DCP1A: variants seen among roughly 807,000 people sequenced by gnomAD.
The protein encoded by DCP1A is decapping mRNA 1A, also known as mRNA-decapping enzyme 1A.
DCP1A carries 20 observed loss-of-function variants against 58.0 expected under a neutral mutation model. That is an observed-to-expected ratio of 0.34 (90% CI 0.24 to 0.50). The LOEUF is 0.50. DCP1A is among the 20% of genes least tolerant of loss of function. DCP1A has a pLI of 0.98. For synonymous variants in DCP1A, 285 were observed against 275.1 expected (o/e 1.04, Z -0.36); for missense variants, 613 against 712.2 (o/e 0.86, Z 1.59).
At chr3:53,325,198 C>G (rs1354779916) in intron 3 of DCP1A, among the ~76,000 whole-genome samples, 2 of 152,140 alleles carry the variant, frequency 1.3e-5, no homozygotes, top group Non-Finnish European at 2.9e-5. Context: ...AGGTACATGG[C>G]TCACACAAGA....
Position 53,284,526 on chromosome 3 carries a change from C to CTTTTTTTTT in DCP1A, c.*3045_*3053dup, listed in dbSNP as rs34308634. 2 of 59,854 alleles carry CTTTTTTTTT rather than the reference C, an allele frequency of 3.3e-5. No individual in the cohort carries two copies. The highest frequency in any genetic ancestry group is 1.3e-4 in the African/African-American group (2 of 15,474). The allele number at this position is 59,854 out of a possible 1,614,324, so 3.7% of individuals were successfully genotyped here. A position where few individuals can be genotyped will look rare whatever the true frequency, so the allele number is the denominator to read the frequency against. ...CCCTGTAGAGAGGGGCCCAGCGTGA[C>CTTTTTTTTT]TTTTTTTTTTTTTTTTTTTTTTTTT... On this transcript the variant is annotated 3_prime_UTR_variant, in exon 10 of 10. Transcript: ENST00000610213.
intron 4 of DCP1A, among the ~76,000 whole-genome samples, chr3:53,318,811 C>G (rs1371293309): frequency 6.6e-6 from 1 of 152,170 alleles, no homozygotes; most frequent in Non-Finnish European, 1.5e-5. Context: ...GTGTCAAAAA[C>G]AAGTTCACTT....
chr3:53,310,496 G>T (rs2106832305), intron 5 of DCP1A, among the ~76,000 whole-genome samples: 1 of 152,296 alleles, frequency 6.6e-6, no homozygotes, highest in South Asian at 2.1e-4. Flanking sequence ...TATTACTCAG[G>T]ATGAGTGACA....
intron 3 of DCP1A, among the ~76,000 whole-genome samples, chr3:53,320,445 A>G (rs1707930059): frequency 6.6e-6 from 1 of 152,202 alleles, no homozygotes; most frequent in Admixed American, 6.5e-5. Context: ...ACCCATTGCT[A>G]CCATGTGGGC....
At chr3:53,327,706 G>T (rs1708149553) in intron 3 of DCP1A, among the ~76,000 whole-genome samples, 2 of 151,562 alleles carry the variant, frequency 1.3e-5, no homozygotes, top group Non-Finnish European at 2.9e-5. Flanking sequence ...CAGAAGAATT[G>T]CTTGAGCCTG....
intron 6 of DCP1A, among the ~76,000 whole-genome samples, chr3:53,299,347 A>G (rs1458539368): frequency 1.3e-5 from 2 of 152,220 alleles, no homozygotes; most frequent in Admixed American, 1.3e-4. Flanking sequence ...ACATGCTTCA[A>G]GTTAGGATTC....
rs12491594 is a variant in DCP1A, at chr3:53,321,072, G to C, written c.305-1599C>G. 0.013 allele frequency among the ~76,000 whole-genome samples: 2,032 copies of C among 152,380 alleles called. 117 individuals carry two copies. The South Asian group carries it at 0.14, about 11-fold the overall frequency. ...AGGACTCTCATTCAGTCTAGGAGAG[G>C]AATGAGCCTACCCGGGCCACCTTCT... On this transcript the variant is annotated intron_variant, in intron 3 of 9. Coordinates refer to ENST00000610213, the MANE Select transcript of DCP1A (RefSeq NM_018403.7).
chr3:53,344,392 C>G (rs2089265463), intron 2 of DCP1A, among the ~76,000 whole-genome samples: 1 of 152,120 alleles, frequency 6.6e-6, no homozygotes, highest in Admixed American at 6.5e-5. Flanking sequence ...AAAAAATACG[C>G]CATCATGAAT....
At chr3:53,320,526 T>C (rs962720906) in intron 3 of DCP1A, among the ~76,000 whole-genome samples, 3 of 152,204 alleles carry the variant, frequency 2.0e-5, no homozygotes, top group African/African-American at 7.2e-5. Flanking sequence ...AGCACAGAAA[T>C]GGCAGGTATC....
At chr3:53,334,685 A>G (rs2089079107) in intron 3 of DCP1A, among the ~76,000 whole-genome samples, 1 of 152,124 alleles carries the variant, frequency 6.6e-6, no homozygotes, top group African/African-American at 2.4e-5. Context: ...GCATCTTAAT[A>G]TTTTCAATTA....
At chr3:53,307,818 C>T (rs1553688257) in intron 5 of DCP1A, among the ~76,000 whole-genome samples, 1 of 152,138 alleles carries the variant, frequency 6.6e-6, no homozygotes, top group Non-Finnish European at 1.5e-5. Flanking sequence ...GAGGATTTTA[C>T]AAGGATTTAG....
intron 5 of DCP1A, among the ~76,000 whole-genome samples, chr3:53,308,663 GGCT>G (rs1707548430): frequency 6.6e-6 from 1 of 152,058 alleles, no homozygotes; most frequent in Non-Finnish European, 1.5e-5. Flanking sequence ...GTTCAATCAT[GGCT>G]CACTGCAGCC....
rs570263825 is a variant in DCP1A at position 53,305,397 on chromosome 3, T to C, written c.511-1107A>G. Among the ~76,000 whole-genome samples, 3 of 152,090 alleles carry C rather than the reference T, an allele frequency of 2.0e-5. No individual in the cohort carries two copies. The South Asian group carries it at 6.2e-4, about 32-fold the overall frequency. On this transcript the variant is annotated intron_variant, in intron 5 of 9. Transcript: ENST00000610213. ...CGGAGTCTCACTCTGTTGCCCAGCCTGGATTTTAGTGGCTTGATCTCAGCT... is the reference window on the plus strand; with the variant it reads ...CGGAGTCTCACTCTGTTGCCCAGCCCGGATTTTAGTGGCTTGATCTCAGCT...
chr3:53,326,987 C>CT (rs1298080509), intron 3 of DCP1A, among the ~76,000 whole-genome samples: 1 of 150,858 alleles, frequency 6.6e-6, no homozygotes, highest in African/African-American at 2.4e-5. Context: ...CCCCCCCCCC[C>CT]CAACTGGTAT....
At chr3:53,290,412 G>T (rs529518766) in intron 8 of DCP1A, among the ~76,000 whole-genome samples, 1 of 149,450 alleles carries the variant, frequency 6.7e-6, no homozygotes, top group African/African-American at 2.5e-5. Flanking sequence ...AGGGCCCACC[G>T]TGCCCTCTAC....
chr3:53,319,497 G>A (rs782554624), intron 3 of DCP1A, 24 bp from the exon 4 acceptor site: 1 of 1,460,282 alleles, frequency 6.8e-7, no homozygotes. Flanking sequence ...GGGAAAAAAA[G>A]ATAAGAAGAA....
intron 4 of DCP1A, among the ~76,000 whole-genome samples, chr3:53,316,782 A>T (rs144478877): frequency 0.012 from 1,784 of 152,088 alleles, 19 homozygotes; most frequent in Non-Finnish European, 0.019. Context: ...TTCTAGTCAA[A>T]CAAGCTGAAA....
intron 4 of DCP1A, among the ~76,000 whole-genome samples, chr3:53,315,030 A>C (rs1553689076): frequency 5.9e-5 from 9 of 152,102 alleles, no homozygotes. Flanking sequence ...CGGGGGTGGT[A>C]ATGGAAGGGA....
chr3:53,311,360 A>G (rs1553688617), intron 5 of DCP1A, among the ~76,000 whole-genome samples: 1 of 152,244 alleles, frequency 6.6e-6, no homozygotes, highest in Non-Finnish European at 1.5e-5. Context: ...GTCTCACTCC[A>G]GTGAAGTGTG....
Sources: allele counts gnomAD v4.1 joint callset (sites outside exome capture counted in the v4.1 genomes callset), GRCh38; gene constraint gnomAD v4.1.1; transcripts MANE v1.5; gene names NCBI Gene and HGNC (gene_info 2026-07-23, HGNC 2026-07-21).